The following BNC2 variants were observed in gnomAD, a reference collection of about 807,000 sequenced individuals.
BNC2 encodes basonuclin zinc finger protein 2.
In BNC2, 20 loss-of-function variants were observed where a neutral mutation model predicts 76.3. The ratio of observed to expected loss-of-function variants is 0.26; its 90% CI spans 0.18 to 0.38. The LOEUF (loss-of-function observed/expected upper bound fraction) is 0.38. BNC2 is among the 10% of genes least tolerant of loss of function. BNC2 has a pLI of 1.00. For synonymous variants in BNC2, 582 were observed against 514.8 expected (o/e 1.13, Z -1.77); for missense variants, 1,382 against 1,399.8 (o/e 0.99, Z 0.20).
intron 3 of BNC2, among the ~76,000 whole-genome samples, chr9:16,666,846 G>T (rs1420132461): frequency 2.0e-5 from 3 of 152,114 alleles, no homozygotes; most frequent in Non-Finnish European, 2.9e-5. Flanking sequence ...TCACTTAAAT[G>T]TAGTTAGCAT....
At chr9:16,700,112 A>T (rs920020983) in intron 3 of BNC2, among the ~76,000 whole-genome samples, 5 of 152,196 alleles carry the variant, frequency 3.3e-5, no homozygotes, top group African/African-American at 1.2e-4. Context: ...CAGCACCCAA[A>T]CTTTAACCTT....
At chr9:16,738,308 G>A in intron 2 of BNC2, 52 bp downstream of exon 2, 1 of 1,583,588 alleles carries the variant, frequency 6.3e-7, no homozygotes. Context: ...GGTAATCAAA[G>A]AATGCAAGTG....
rs553492815 is a variant in BNC2, at chr9:16,832,247, T to C, written c.3+38399A>G. 2.6e-4 allele frequency: 331 copies of C among 1,272,732 alleles called. No homozygotes were observed. The African/African-American group carries it at 4.5e-3, about 17-fold the overall frequency. 78.8% of individuals were successfully genotyped at this position (1,272,732 alleles called of 1,614,324 possible). On this transcript the variant is annotated intron_variant, in intron 1 of 6. Coordinates refer to ENST00000380672, the MANE Select transcript of BNC2 (RefSeq NM_017637.6). ...ACTATTACATGTAGTTAAATACCAG[T>C]AGAAGAGAAAATCTAGAAGGTTCTT... is the stretch of plus-strand genomic sequence containing the variant.
chr9:16,484,104 T>C (rs1425130351), intron 5 of BNC2, among the ~76,000 whole-genome samples: 2 of 152,172 alleles, frequency 1.3e-5, no homozygotes, highest in Non-Finnish European at 2.9e-5. Context: ...TGGTGTCATG[T>C]CCCCTCCAAA....
chr9:16,623,278 T>A (rs565260974), intron 3 of BNC2, among the ~76,000 whole-genome samples: 2 of 152,124 alleles, frequency 1.3e-5, no homozygotes, highest in African/African-American at 4.8e-5. Flanking sequence ...ACTTAAAAAC[T>A]AGGAGAGAGA....
chr9:16,630,824 C>A (rs1450038843), intron 3 of BNC2, among the ~76,000 whole-genome samples: 1 of 151,216 alleles, frequency 6.6e-6, no homozygotes, highest in African/African-American at 2.4e-5. Flanking sequence ...ACTGCAACCT[C>A]CGCCTCCCGG....
Position 16,791,330 on chromosome 9 carries a change from G to C in BNC2, c.4-52845C>G, listed in dbSNP as rs139320022. On this transcript the variant is annotated intron_variant, in intron 1 of 6. Coordinates refer to ENST00000380672, the MANE Select transcript of BNC2 (RefSeq NM_017637.6). ...CCTGCCTCGGCCTCCCAAAGTGCTA[G>C]GATTACAGGCATGAGCCACCGCGCC... is the stretch of plus-strand genomic sequence containing the variant. Among the ~76,000 whole-genome samples, 151 of 152,252 alleles carry C rather than the reference G, an allele frequency of 9.9e-4. 1 individual carries two copies. Among genetic ancestry groups the C allele is most frequent in the African/African-American group, 3.4e-3 (143 of 41,540 alleles).
At chr9:16,702,579 T>C (rs1473360192) in intron 3 of BNC2, among the ~76,000 whole-genome samples, 1 of 150,514 alleles carries the variant, frequency 6.6e-6, no homozygotes, top group Non-Finnish European at 1.5e-5. Flanking sequence ...TGGCCTAATA[T>C]CGCCTTTCCT....
chr9:16,708,710 G>A (rs1465771133), intron 3 of BNC2, among the ~76,000 whole-genome samples: 1 of 152,084 alleles, frequency 6.6e-6, no homozygotes, highest in Non-Finnish European at 1.5e-5. Context: ...AGCAGAGAAG[G>A]AGTCAGTAGG....
intron 3 of BNC2, among the ~76,000 whole-genome samples, chr9:16,599,361 T>G (rs750868837): frequency 2.6e-5 from 4 of 152,218 alleles, no homozygotes; most frequent in Non-Finnish European, 5.9e-5. Flanking sequence ...ATACTCTCTC[T>G]TGCTGCAAGG....
intron 4 of BNC2, chr9:16,580,256 C>T (rs576759907): frequency 5.0e-6 from 2 of 397,832 alleles, no homozygotes; most frequent in African/African-American, 2.1e-5. Flanking sequence ...CCCCTCACTG[C>T]TGTATTTGGC....
At chr9:16,700,256 A>T (rs1823469150) in intron 3 of BNC2, among the ~76,000 whole-genome samples, 1 of 152,190 alleles carries the variant, frequency 6.6e-6, no homozygotes, top group African/African-American at 2.4e-5. Context: ...GAAAATTAAC[A>T]TTTACAATGA....
intron 5 of BNC2, among the ~76,000 whole-genome samples, chr9:16,485,140 T>C (rs77129659): frequency 6.6e-6 from 1 of 151,224 alleles, no homozygotes; most frequent in Admixed American, 6.6e-5. Flanking sequence ...ACTATTTCTA[T>C]TTTTTTTCTC....
In BNC2 at chr9:16,419,528, A is replaced by G. The variant is rs370230174; in HGVS notation, c.2761T>C (p.Tyr921His). 103 of 1,614,050 alleles carry G rather than the reference A, an allele frequency of 6.4e-5. No homozygotes were observed. The Middle Eastern group carries it at 1.3e-3, about 21-fold the overall frequency. Residue 921 changes from tyrosine to histidine, a missense_variant, in exon 7 of 7, where the codon TAT (tyrosine) becomes CAT (histidine). Physicochemically the swap from Tyr to His is moderately conservative, Grantham distance 83 (BLOSUM62 2). Transcript: ENST00000380672. ...AGCCCCATGGGGTGCTGGGCACCATATATCTTCACCAAAAATTCATCGCGG... is the reference window on the plus strand; with the variant it reads ...AGCCCCATGGGGTGCTGGGCACCATGTATCTTCACCAAAAATTCATCGCGG... ...DLRDEFLVKI[Y>H]GAQHPMGLDV...
At chr9:16,484,276 G>T (rs1040052690) in intron 5 of BNC2, among the ~76,000 whole-genome samples, 1 of 152,158 alleles carries the variant, frequency 6.6e-6, no homozygotes, top group Non-Finnish European at 1.5e-5. Context: ...TTCCACCCCC[G>T]AAATAAAGCT....
rs1025690538 is a variant in BNC2, at chr9:16,785,650, G to A, written c.4-47165C>T. 5.4e-5 allele frequency among the ~76,000 whole-genome samples: 8 copies of A among 148,512 alleles called. No individual in the cohort carries two copies. In the East Asian group the frequency reaches 8.1e-4, roughly 15 times the overall value. On this transcript the variant is annotated intron_variant, in intron 1 of 6. Coordinates refer to ENST00000380672, the MANE Select transcript of BNC2 (RefSeq NM_017637.6). ...TGACCTCAGGTGATCGGCCCGCCTC[G>A]GCCTCCCAAAGTGCTGGGATGAGCC...
At chr9:16,784,380 A>C (rs1369742478) in intron 1 of BNC2, among the ~76,000 whole-genome samples, 1 of 152,242 alleles carries the variant, frequency 6.6e-6, no homozygotes, top group Non-Finnish European at 1.5e-5. Flanking sequence ...AGAATTTCTA[A>C]ATCTAGTTTG....
intron 3 of BNC2, among the ~76,000 whole-genome samples, chr9:16,683,677 T>C (rs554035356): frequency 8.5e-5 from 13 of 152,344 alleles, no homozygotes; most frequent in East Asian, 3.9e-4. Context: ...CTGAAATAGA[T>C]AGCTGGTGAA....
At chr9:16,724,808 T>A (rs1824263272) in intron 3 of BNC2, among the ~76,000 whole-genome samples, 1 of 152,130 alleles carries the variant, frequency 6.6e-6, no homozygotes, top group Admixed American at 6.5e-5. Context: ...TTCATGGACA[T>A]TTCCCACAAT....
Sources: allele counts gnomAD v4.1 joint callset (sites outside exome capture counted in the v4.1 genomes callset), GRCh38; gene constraint gnomAD v4.1.1; transcripts MANE v1.5; gene names NCBI Gene and HGNC (gene_info 2026-07-23, HGNC 2026-07-21).